SLC35F1: variants seen among roughly 807,000 people sequenced by gnomAD.
The protein encoded by SLC35F1 is chromosome 6 open reading frame 169.
A neutral mutation model predicts 48.7 loss-of-function variants in SLC35F1; 14 were observed. The observed-to-expected ratio is 0.29, with a 90% CI of 0.19 to 0.45. SLC35F1 has a LOEUF of 0.45. Ranked by LOEUF, SLC35F1 falls within the 20% of genes least tolerant of loss-of-function variation. SLC35F1 has a pLI of 1.00. For synonymous variants in SLC35F1, 190 were observed against 202.2 expected, an observed-to-expected ratio of 0.94 and a Z score of 0.51; for missense variants, 404 against 500.0, an observed-to-expected ratio of 0.81 and a Z score of 1.83.
intron 1 of SLC35F1, among the ~76,000 whole-genome samples, chr6:118,089,630 C>A (rs1032499789): frequency 6.6e-6 from 1 of 152,154 alleles, no homozygotes; most frequent in Non-Finnish European, 1.5e-5. Context: ...ACAAAGAGGC[C>A]TCAAACTGCT....
intron 6 of SLC35F1, among the ~76,000 whole-genome samples, chr6:118,281,570 G>C (rs1775985282): frequency 6.6e-6 from 1 of 152,192 alleles, no homozygotes; most frequent in Non-Finnish European, 1.5e-5. Context: ...GTGTCCCTCT[G>C]TTTGGGGTCA....
At chr6:118,145,254 T>C (rs1773954705) in intron 1 of SLC35F1, among the ~76,000 whole-genome samples, 2 of 152,224 alleles carry the variant, frequency 1.3e-5, no homozygotes, top group Non-Finnish European at 2.9e-5. Context: ...TTTCGATGAG[T>C]GACTCTTTTA....
chr6:118,168,182 C>T (rs752525714), intron 2 of SLC35F1, among the ~76,000 whole-genome samples: 1 of 152,140 alleles, frequency 6.6e-6, no homozygotes, highest in African/African-American at 2.4e-5. Context: ...GAATACTGCA[C>T]AGACATCATC....
chr6:118,018,316 A>T (rs562810699), intron 1 of SLC35F1, among the ~76,000 whole-genome samples: 1 of 152,156 alleles, frequency 6.6e-6, no homozygotes, highest in South Asian at 2.1e-4. Flanking sequence ...GGTTGCAGTG[A>T]GCTGAGATCG....
intron 2 of SLC35F1, among the ~76,000 whole-genome samples, chr6:118,185,622 T>G (rs1582718304): frequency 6.6e-6 from 1 of 152,056 alleles, no homozygotes. Context: ...AATATTCTAT[T>G]GAAAATCAGA....
At chr6:118,202,831 C>T (rs1340308291) in intron 2 of SLC35F1, among the ~76,000 whole-genome samples, 1 of 152,182 alleles carries the variant, frequency 6.6e-6, no homozygotes, top group Admixed American at 6.5e-5. Context: ...GCTCTGTCAT[C>T]AGGGAAGGCC....
chr6:118,069,640 T>C (rs2114292460), intron 1 of SLC35F1, among the ~76,000 whole-genome samples: 1 of 152,330 alleles, frequency 6.6e-6, no homozygotes, highest in African/African-American at 2.4e-5. Context: ...GCAAGCCTCA[T>C]TGTTGGCTTC....
chr6:118,295,295 A>G (rs1776170710), intron 7 of SLC35F1, among the ~76,000 whole-genome samples: 1 of 152,216 alleles, frequency 6.6e-6, no homozygotes, highest in Admixed American at 6.5e-5. Context: ...TGTACCTGTT[A>G]TGTGCCAGCC....
intron 6 of SLC35F1, among the ~76,000 whole-genome samples, chr6:118,282,283 A>G (rs939159686): frequency 1.3e-5 from 2 of 152,330 alleles, no homozygotes; most frequent in African/African-American, 4.8e-5. Context: ...TCCAACTCTC[A>G]ATTTAATCAT....
Position 118,317,244 on chromosome 6 carries a change from T to G in SLC35F1, c.*2992T>G, listed in dbSNP as rs879440101. ...GGACAGCGCTTGCCTTGGTCAGACC[T>G]TCCCACATCTACATACTCTCAAATA... On this transcript the variant is annotated 3_prime_UTR_variant, in exon 8 of 8. Coordinates refer to ENST00000360388, the MANE Select transcript of SLC35F1 (RefSeq NM_001029858.4). 1.3e-5 allele frequency: 2 copies of G among 152,274 alleles called. No individual in the cohort carries two copies. Among genetic ancestry groups the G allele is most frequent in the Admixed American group, 6.5e-5 (1 of 15,276 alleles). 9.4% of individuals were successfully genotyped at this position (152,274 alleles called of 1,614,324 possible). A position where few individuals can be genotyped will look rare whatever the true frequency, so the allele number is the denominator to read the frequency against.
In SLC35F1 at chr6:118,074,806, C is replaced by A. The variant is rs962375264; in HGVS notation, c.174-79639C>A. Among the ~76,000 whole-genome samples the A allele has an allele frequency of 7.4e-4, 113 of 152,112 alleles. 1 individual carries two copies. Among genetic ancestry groups the A allele is most frequent in the Admixed American group, 6.0e-3 (92 of 15,266 alleles). ...GGGAGTAGAAGCACACACCACTATACCCAGCTAATGTATTTCTTGTAGAGA... is the reference window on the plus strand; with the variant it reads ...GGGAGTAGAAGCACACACCACTATAACCAGCTAATGTATTTCTTGTAGAGA... On this transcript the variant is annotated intron_variant, in intron 1 of 7. Transcript: ENST00000360388.
chr6:117,923,608 C>CATATGTACATATGTACAT (rs1554216654), intron 1 of SLC35F1, among the ~76,000 whole-genome samples: 2 of 26,076 alleles, frequency 7.7e-5, no homozygotes, highest in Admixed American at 8.0e-4. Flanking sequence ...TGTATATATA[C>CATATGTACATATGTACAT]ATATACATAT....
rs908020899 is a variant in SLC35F1 at position 118,000,683 on chromosome 6, A to T, written c.173+92784A>T. ...TGTCCCTGTTTGCAGATGACATGAT[A>T]GTATATCTAGAAAACCCCATTGTCT... On this transcript the variant is annotated intron_variant, in intron 1 of 7. Coordinates refer to ENST00000360388, the MANE Select transcript of SLC35F1 (RefSeq NM_001029858.4). Among the ~76,000 whole-genome samples, 132 of 152,280 alleles carry T rather than the reference A, an allele frequency of 8.7e-4. 1 individual carries two copies. The highest frequency in any genetic ancestry group is 3.0e-3 in the African/African-American group (123 of 41,566).
chr6:118,152,709 C>T (rs761247236), intron 1 of SLC35F1, among the ~76,000 whole-genome samples: 31 of 152,270 alleles, frequency 2.0e-4, no homozygotes, highest in Non-Finnish European at 3.4e-4. Flanking sequence ...CCCTCCCCCA[C>T]ATTCTGTTGG....
intron 7 of SLC35F1, among the ~76,000 whole-genome samples, chr6:118,293,541 A>G (rs1776149661): frequency 6.6e-6 from 1 of 152,190 alleles, no homozygotes; most frequent in Admixed American, 6.5e-5. Flanking sequence ...TCATAAAGTA[A>G]TATATTCACA....
intron 1 of SLC35F1, among the ~76,000 whole-genome samples, chr6:118,137,971 G>A (rs1773822205): frequency 6.6e-6 from 1 of 152,092 alleles, no homozygotes. Flanking sequence ...AGCCCCCTCA[G>A]TTTCCCTGCC....
At chr6:118,054,219 G>T (rs989678069) in intron 1 of SLC35F1, among the ~76,000 whole-genome samples, 1 of 152,160 alleles carries the variant, frequency 6.6e-6, no homozygotes, top group South Asian at 2.1e-4. Context: ...AATGAGCAAG[G>T]CTTTTTGGGC....
At chr6:118,061,407 C>G (rs2114274297) in intron 1 of SLC35F1, among the ~76,000 whole-genome samples, 1 of 152,164 alleles carries the variant, frequency 6.6e-6, no homozygotes, top group African/African-American at 2.4e-5. Flanking sequence ...ATGGATTTTT[C>G]TTTTCTTTCT....
chr6:117,944,954 G>C (rs145551716), intron 1 of SLC35F1, among the ~76,000 whole-genome samples: 1 of 152,266 alleles, frequency 6.6e-6, no homozygotes, highest in Non-Finnish European at 1.5e-5. Flanking sequence ...TGTTTAACAG[G>C]TATTAACTGA....
Sources: gnomAD v4.1 joint callset for allele counts (sites outside exome capture counted in the v4.1 genomes callset) on GRCh38, gnomAD v4.1.1 for gene constraint, MANE v1.5 for transcripts, NCBI Gene and HGNC (gene_info 2026-07-23, HGNC 2026-07-21) for gene names.